Variants in CCDC85C observed in about 807,000 individuals in gnomAD.
CCDC85C encodes coiled-coil domain containing 85C, also known as coiled-coil domain-containing protein 85C.
In CCDC85C, 18 loss-of-function variants were observed where a neutral mutation model predicts 38.3. That is an observed-to-expected ratio of 0.47 (90% CI 0.33 to 0.70). The LOEUF is 0.70. Ranked by LOEUF, CCDC85C falls within the 30% of genes least tolerant of loss-of-function variation. The pLI, the probability that CCDC85C is intolerant of heterozygous loss-of-function variation, is 0.03. For missense variants in CCDC85C, 566 were observed against 621.2 expected (o/e 0.91, Z 0.94); for synonymous variants, 264 against 293.8 (o/e 0.90, Z 1.04).
intron 3 of CCDC85C, among the ~76,000 whole-genome samples, chr14:99,519,603 G>A (rs998698043): frequency 7.2e-5 from 11 of 152,124 alleles, no homozygotes; most frequent in Admixed American, 3.3e-4. Context: ...AATACCTGTC[G>A]CCAAACGCTC....
intron 1 of CCDC85C, among the ~76,000 whole-genome samples, chr14:99,543,751 C>T (rs1897756459): frequency 1.3e-5 from 2 of 152,150 alleles, no homozygotes; most frequent in South Asian, 4.1e-4. Flanking sequence ...CTGACACCAG[C>T]TCCTGGAAGG....
At chr14:99,590,690 G>A (rs764017272) in intron 1 of CCDC85C, among the ~76,000 whole-genome samples, 1 of 152,224 alleles carries the variant, frequency 6.6e-6, no homozygotes, top group Non-Finnish European at 1.5e-5. Flanking sequence ...TGTTTATGGA[G>A]GAAGCAAGTG....
chr14:99,525,843 G>A (rs948049771), intron 2 of CCDC85C, among the ~76,000 whole-genome samples: 1 of 152,180 alleles, frequency 6.6e-6, no homozygotes, highest in East Asian at 1.9e-4. Flanking sequence ...ACTCTGGACC[G>A]GTGTCTCAGT....
intron 1 of CCDC85C, among the ~76,000 whole-genome samples, chr14:99,577,600 G>A (rs190225019): frequency 3.5e-4 from 53 of 152,112 alleles, no homozygotes; most frequent in Non-Finnish European, 5.9e-4. Context: ...GGGGTGGGAA[G>A]GAGTGAAGTG....
At chr14:99,587,631 T>C (rs1449345379) in intron 1 of CCDC85C, among the ~76,000 whole-genome samples, 2 of 152,110 alleles carry the variant, frequency 1.3e-5, no homozygotes, top group Non-Finnish European at 2.9e-5. Flanking sequence ...TGTTCCCAAC[T>C]GGGAAAGGTC....
intron 2 of CCDC85C, among the ~76,000 whole-genome samples, chr14:99,524,502 G>T (rs1056703187): frequency 1.3e-5 from 2 of 152,126 alleles, no homozygotes; most frequent in Admixed American, 1.3e-4. Flanking sequence ...TTAGCTGCAC[G>T]CAATTCCCAC....
chr14:99,565,258 T>C (rs934516950), intron 1 of CCDC85C, among the ~76,000 whole-genome samples: 6 of 152,010 alleles, frequency 3.9e-5, no homozygotes, highest in Non-Finnish European at 7.4e-5. Flanking sequence ...GTGTGCACAA[T>C]CCCCTCCTCC....
chr14:99,522,049 G>C (rs1208408350), intron 3 of CCDC85C, 84 bp downstream of exon 3: 3 of 1,024,926 alleles, frequency 2.9e-6, no homozygotes, highest in African/African-American at 3.2e-5. Flanking sequence ...CCAGATCCTT[G>C]TGCCCCTCCG....
intron 1 of CCDC85C, among the ~76,000 whole-genome samples, 192 bp downstream of exon 1, chr14:99,602,975 C>A (rs964836714): frequency 6.6e-6 from 1 of 152,182 alleles, no homozygotes; most frequent in South Asian, 2.1e-4. Flanking sequence ...CACCACTGAA[C>A]CGGCCCACCA....
Position 99,506,684 on chromosome 14 carries a change from T to C in CCDC85C, c.*8562A>G. ...CTTGTGGAACCCTCAGGGGACTCAG[T>C]GACATGATGTTGCTACTCTGGACCC... On this transcript the variant is annotated 3_prime_UTR_variant, in exon 6 of 6. Transcript: ENST00000380243. 5.3e-6 allele frequency: 1 copy of C among 190,016 alleles called. No individual in the cohort carries two copies. The highest frequency in any genetic ancestry group is 1.1e-5 in the Non-Finnish European group (1 of 90,216). 11.8% of individuals were successfully genotyped at this position (190,016 alleles called of 1,614,324 possible).
At chr14:99,567,085 C>T (rs547129615) in intron 1 of CCDC85C, among the ~76,000 whole-genome samples, 18 of 152,300 alleles carry the variant, frequency 1.2e-4, no homozygotes, top group East Asian at 7.7e-4. Flanking sequence ...TCCCCTCCAA[C>T]GCGGCCCATC....
chr14:99,518,334 G>A (rs183935569), intron 3 of CCDC85C, among the ~76,000 whole-genome samples: 10 of 152,210 alleles, frequency 6.6e-5, no homozygotes, highest in African/African-American at 2.2e-4. Context: ...CCCCACCCCT[G>A]AGGCTAGGGG....
intron 1 of CCDC85C, among the ~76,000 whole-genome samples, chr14:99,538,389 C>A (rs1327803804): frequency 6.6e-6 from 1 of 152,224 alleles, no homozygotes; most frequent in Non-Finnish European, 1.5e-5. Flanking sequence ...CTCCTGAAGG[C>A]TCTCCGCAGC....
chr14:99,571,630 A>G (rs1262921933), intron 1 of CCDC85C, among the ~76,000 whole-genome samples: 1 of 152,252 alleles, frequency 6.6e-6, no homozygotes, highest in Non-Finnish European at 1.5e-5. Context: ...GCTTTGTAGA[A>G]TCTCAGATTC....
At chr14:99,527,881 G>A (rs959359420) in intron 2 of CCDC85C, among the ~76,000 whole-genome samples, 7 of 152,198 alleles carry the variant, frequency 4.6e-5, no homozygotes, top group South Asian at 2.1e-4. Context: ...CAGCCCTGCC[G>A]CCCTGCAGAG....
At position 99,503,431 on chromosome 14, in the gene CCDC85C, C is replaced by A; in HGVS notation, c.*11815G>T. 1.6e-6 allele frequency: 1 copy of A among 610,644 alleles called. No individual in the cohort carries two copies. 37.8% of individuals were successfully genotyped at this position (610,644 alleles called of 1,614,324 possible). On this transcript the variant is annotated 3_prime_UTR_variant, in exon 6 of 6. Transcript: ENST00000380243. ...TTGGTAAATGGAAAGAGGAAGGGAGCAGAAATGATGATCTGGTAGGTGCCG... is the reference window on the plus strand; with the variant it reads ...TTGGTAAATGGAAAGAGGAAGGGAGAAGAAATGATGATCTGGTAGGTGCCG...
At position 99,516,183 on chromosome 14, in the gene CCDC85C, C is replaced by T; in HGVS notation, c.1170+5G>A. 6.4e-7 allele frequency: 1 copy of T among 1,550,710 alleles called. No homozygotes were observed. The highest frequency in any genetic ancestry group is 8.7e-7 in the Non-Finnish European group (1 of 1,146,476). On this transcript the variant is annotated splice_donor_5th_base_variant and intron_variant, in intron 5 of 5. Transcript: ENST00000380243. This position sits in a 1 kb window ranked among gnomAD's most constrained non-coding sequence, Gnocchi z 5.5. ...GCCTCTGCCCCCCACCCCTGGAAGC[C>T]TCACGTTGCACATCTCGCGAACGAT...
At position 99,512,151 on chromosome 14, in the gene CCDC85C, G is replaced by GCT. The variant is rs1897145164; in HGVS notation, c.*3094_*3095insAG. 1 of 152,166 alleles carries GCT rather than the reference G, an allele frequency of 6.6e-6. No homozygotes were observed. The highest frequency in any genetic ancestry group is 2.4e-5 in the African/African-American group (1 of 41,438). The allele number at this position is 152,166 out of a possible 1,614,324, so 9.4% of individuals were successfully genotyped here. A position where few individuals can be genotyped will look rare whatever the true frequency, so the allele number is the denominator to read the frequency against. The stretch of plus-strand genomic sequence containing the variant: ...AATGTTTTTACCACACTATCAAAAA[G>GCT]TTCTATTTCTTCTTGTCTCCCCACG... On this transcript the variant is annotated 3_prime_UTR_variant, in exon 6 of 6. Coordinates refer to ENST00000380243, the MANE Select transcript of CCDC85C (RefSeq NM_001144995.2).
At chr14:99,517,980 T>C (rs1566759012) in intron 3 of CCDC85C, among the ~76,000 whole-genome samples, 1 of 152,200 alleles carries the variant, frequency 6.6e-6, no homozygotes. Context: ...CGGTGCCCTG[T>C]GGGCCCTGGA....
Sources: gnomAD v4.1 joint callset for allele counts (sites outside exome capture counted in the v4.1 genomes callset) on GRCh38, gnomAD v4.1.1 for gene constraint, Gnocchi (gnomAD v3.1) non-coding constraint, MANE v1.5 for transcripts, NCBI Gene and HGNC (gene_info 2026-07-23, HGNC 2026-07-21) for gene names.